The following CCNB1IP1 variants were observed in gnomAD, a reference collection of about 807,000 sequenced individuals.
The protein encoded by CCNB1IP1 is E3 ubiquitin-protein ligase CCNB1IP1.
CCNB1IP1 carries 14 observed loss-of-function variants against 25.6 expected under a neutral mutation model. The ratio of observed to expected loss-of-function variants is 0.55; its 90% CI spans 0.36 to 0.85. The LOEUF (loss-of-function observed/expected upper bound fraction) is 0.85. Ranked by LOEUF, CCNB1IP1 falls within the 40% of genes least tolerant of loss-of-function variation. The pLI is 0.01. For synonymous variants in CCNB1IP1, 119 were observed against 116.1 expected (o/e 1.02, Z -0.16); for missense variants, 278 against 342.4 (o/e 0.81, Z 1.48).
At chr14:20,331,858 T>C (rs1232377876) in intron 1 of CCNB1IP1, among the ~76,000 whole-genome samples, 1 of 151,266 alleles carries the variant, frequency 6.6e-6, no homozygotes, top group Non-Finnish European at 1.5e-5. Flanking sequence ...TATTTGCTTA[T>C]ATGCATAAAA....
intron 6 of CCNB1IP1, among the ~76,000 whole-genome samples, chr14:20,312,337 T>C (rs1344358441): frequency 6.6e-6 from 1 of 152,116 alleles, no homozygotes; most frequent in Non-Finnish European, 1.5e-5. Context: ...TAGGTTTTTA[T>C]TCTTATATCT....
In CCNB1IP1 at chr14:20,316,252, C is replaced by A; in HGVS notation, c.272G>T (p.Arg91Leu). ...CTGATATGTCCAGAAGGCCAGCGCTCGGGAGCTAATGTCCAACACGATCTC... is the reference window on the plus strand; with the variant it reads ...CTGATATGTCCAGAAGGCCAGCGCTAGGGAGCTAATGTCCAACACGATCTC... ...RPEIVLDISS[R>L]ALAFWTYQVH... The change falls in exon 5 of 7, where the codon CGA becomes CTA. Residue 91 changes from arginine (R) to leucine (L), a missense_variant. Physicochemically the swap from Arg to Leu is moderately radical, Grantham distance 102. Transcript: ENST00000358932. The A allele has an allele frequency of 6.2e-7, 1 of 1,613,862 alleles. No homozygotes were observed.
chr14:20,327,684 C>T (rs1352045886), intron 2 of CCNB1IP1, among the ~76,000 whole-genome samples: 1 of 151,812 alleles, frequency 6.6e-6, no homozygotes, highest in Non-Finnish European at 1.5e-5. Flanking sequence ...GTTATACTTT[C>T]ATCATTATGT....
intron 4 of CCNB1IP1, among the ~76,000 whole-genome samples, chr14:20,316,891 T>C (rs931933021): frequency 6.6e-5 from 10 of 152,134 alleles, no homozygotes; most frequent in Non-Finnish European, 1.3e-4. Context: ...GCGGGGTCCC[T>C]TCAGGTCAGG....
chr14:20,320,622 G>C (rs1882860383), intron 4 of CCNB1IP1, among the ~76,000 whole-genome samples: 2 of 151,916 alleles, frequency 1.3e-5, no homozygotes, highest in Admixed American at 1.3e-4. Context: ...TGGCCAACAT[G>C]ATCAAACCCC....
chr14:20,331,919 G>A (rs974200336), intron 1 of CCNB1IP1, among the ~76,000 whole-genome samples: 6 of 136,074 alleles, frequency 4.4e-5, no homozygotes, highest in African/African-American at 1.3e-4. Context: ...CTTAGGGAAG[G>A]GGATAAGAAA....
At chr14:20,332,270 G>A (rs992409396) in intron 1 of CCNB1IP1, among the ~76,000 whole-genome samples, 1 of 151,614 alleles carries the variant, frequency 6.6e-6, no homozygotes, top group Admixed American at 6.6e-5. Context: ...TACTACATTC[G>A]ATTAACTGGT....
In CCNB1IP1 at chr14:20,311,594, G is replaced by A. The variant is rs1594272152; in HGVS notation, c.790C>T (p.Gln264Ter). 1.2e-6 allele frequency: 2 copies of A among 1,613,850 alleles called. No homozygotes were observed. Among genetic ancestry groups the A allele is most frequent in the African/African-American group, 1.3e-5 (1 of 74,874 alleles). ...SFVSPSRELE[Q>*]QQVSSRAFKV... ...AAGGCCCTGCTAGAAACTTGCTGCTGCTCTAATTCACGACTTGGAGAGACA... is the reference window on the plus strand; with the variant it reads ...AAGGCCCTGCTAGAAACTTGCTGCTACTCTAATTCACGACTTGGAGAGACA... Residue 264 changes from glutamine (Q) to a stop codon, truncating the protein, a stop_gained, in exon 7 of 7, where the codon CAG (glutamine) becomes TAG (stop). Transcript: ENST00000358932. LOFTEE classifies it high-confidence loss of function.
intron 2 of CCNB1IP1, 116 bp downstream of exon 2, chr14:20,329,058 T>G (rs571603916): frequency 6.6e-6 from 1 of 152,366 alleles, no homozygotes; most frequent in Non-Finnish European, 1.5e-5. Context: ...TGTTAAGATT[T>G]CATCACCATT....
At chr14:20,318,785 T>C (rs117060042) in intron 4 of CCNB1IP1, among the ~76,000 whole-genome samples, 7 of 152,186 alleles carry the variant, frequency 4.6e-5, no homozygotes, top group Non-Finnish European at 7.4e-5. Flanking sequence ...CTTTTCCAGA[T>C]AGGGTCTCAC....
intron 2 of CCNB1IP1, among the ~76,000 whole-genome samples, chr14:20,327,029 T>TC (rs1054494085): frequency 2.0e-4 from 31 of 152,192 alleles, no homozygotes; most frequent in Admixed American, 1.9e-3. Context: ...TGAGCTGTGA[T>TC]CGTGCCACTG....
chr14:20,325,325 G>C (rs1354472620), intron 4 of CCNB1IP1, among the ~76,000 whole-genome samples: 1 of 150,948 alleles, frequency 6.6e-6, no homozygotes, highest in African/African-American at 2.4e-5. Context: ...GGAGGCTGAG[G>C]CAGGAGAATG....
At chr14:20,326,316 G>T (rs1389020365) in intron 3 of CCNB1IP1, 8 of 339,388 alleles carry the variant, frequency 2.4e-5, no homozygotes, top group Non-Finnish European at 4.3e-5. Context: ...TATCACAAAA[G>T]ATCAAAGCAC....
chr14:20,326,136 A>G (rs1594283098), intron 3 of CCNB1IP1, among the ~76,000 whole-genome samples: 1 of 152,258 alleles, frequency 6.6e-6, no homozygotes, highest in East Asian at 1.9e-4. Flanking sequence ...GTTTCCTTTA[A>G]TCTACATGTA....
At chr14:20,332,897 C>G (rs1883294996) in intron 1 of CCNB1IP1, 1 of 152,162 alleles carries the variant, frequency 6.6e-6, no homozygotes, top group Admixed American at 6.5e-5. Flanking sequence ...CTGACCTCAC[C>G]CAGGGAGATA....
chr14:20,317,665 A>G (rs1223449644), intron 4 of CCNB1IP1: 1 of 152,258 alleles, frequency 6.6e-6, no homozygotes, highest in Non-Finnish European at 1.5e-5. Context: ...GTAAGCGCCA[A>G]TCTAACTTCT....
intron 5 of CCNB1IP1, chr14:20,315,966 G>C: frequency 2.4e-6 from 1 of 423,196 alleles, no homozygotes; most frequent in Non-Finnish European, 4.4e-6. Context: ...ATACAGAAGA[G>C]AGAGAGAGTG....
chr14:20,315,723 C>A, intron 5 of CCNB1IP1: 2 of 1,184,466 alleles, frequency 1.7e-6, no homozygotes, highest in Non-Finnish European at 1.1e-6. Context: ...TACAATATAA[C>A]CATTAAAATA....
chr14:20,313,908 T>C lies in CCNB1IP1; in HGVS notation c.298-107A>G, dbSNP rs1882590365. On this transcript the variant is annotated intron_variant, in intron 5 of 6. Transcript: ENST00000358932. ...AAGAAAGATGCTTATATAGGGATGT[T>C]ATTTTATCATTTAGAACCCAGTTTA... is the stretch of plus-strand genomic sequence containing the variant. 4 of 795,838 alleles carry C rather than the reference T, an allele frequency of 5.0e-6. No individual in the cohort carries two copies. The South Asian group carries it at 1.1e-4, about 22-fold the overall frequency. 49.3% of individuals were successfully genotyped at this position (795,838 alleles called of 1,614,324 possible). A position where few individuals can be genotyped will look rare whatever the true frequency, so the allele number is the denominator to read the frequency against.
Sources: allele counts gnomAD v4.1 joint callset (sites outside exome capture counted in the v4.1 genomes callset), GRCh38; gene constraint gnomAD v4.1.1; transcripts MANE v1.5; gene names NCBI Gene and HGNC (gene_info 2026-07-23, HGNC 2026-07-21).